SGCZ: variants seen among roughly 807,000 people sequenced by gnomAD.
SGCZ encodes sarcoglycan zeta.
A neutral mutation model predicts 41.3 loss-of-function variants in SGCZ; 40 were observed. That is an observed-to-expected ratio of 0.97 (90% CI 0.75 to 1.26). The LOEUF (loss-of-function observed/expected upper bound fraction) is 1.26, where lower values mean the gene tolerates loss of function less well. Ranked by LOEUF, SGCZ falls within the 50% of genes most tolerant of loss-of-function variation. The pLI is 0.00. For synonymous variants in SGCZ, 206 were observed against 137.5 expected (o/e 1.50, Z -3.49); for missense variants, 552 against 369.8 (o/e 1.49, Z -4.04).
At chr8:14,714,232 A>G (rs572382385) in intron 1 of SGCZ, among the ~76,000 whole-genome samples, 2 of 151,992 alleles carry the variant, frequency 1.3e-5, no homozygotes, top group Non-Finnish European at 2.9e-5. Context: ...CTCCCAAAGT[A>G]CTAAGATTAC....
chr8:14,402,315 G>A (rs1268671474), intron 2 of SGCZ, among the ~76,000 whole-genome samples: 1 of 151,450 alleles, frequency 6.6e-6, no homozygotes, highest in African/African-American at 2.4e-5. Flanking sequence ...TGTCAATTTT[G>A]TCTTTTGTTG....
intron 2 of SGCZ, among the ~76,000 whole-genome samples, chr8:14,494,587 A>G (rs917338439): frequency 2.0e-5 from 3 of 152,122 alleles, no homozygotes; most frequent in Middle Eastern, 3.2e-3. Context: ...TTAATCATTC[A>G]TGAGAAGTTG....
At chr8:14,460,900 C>G (rs1800883767) in intron 2 of SGCZ, among the ~76,000 whole-genome samples, 1 of 152,034 alleles carries the variant, frequency 6.6e-6, no homozygotes, top group Non-Finnish European at 1.5e-5. Context: ...CTGATACTTT[C>G]ATTTGGCCCA....
At chr8:14,230,568 G>A (rs541076004) in intron 4 of SGCZ, among the ~76,000 whole-genome samples, 42 of 151,938 alleles carry the variant, frequency 2.8e-4, no homozygotes, top group Non-Finnish European at 5.4e-4. Flanking sequence ...TGAAGTATAC[G>A]TCCTTCCTAA....
rs565353516 is a variant in SGCZ, at chr8:14,831,720, G to A, written c.40-276794C>T. Among the ~76,000 whole-genome samples the A allele has an allele frequency of 2.8e-4, 43 of 151,062 alleles. 1 individual carries two copies. The highest frequency in any genetic ancestry group is 7.9e-4 in the East Asian group (4 of 5,088). On this transcript the variant is annotated intron_variant, in intron 1 of 7. Coordinates refer to ENST00000382080, the MANE Select transcript of SGCZ (RefSeq NM_139167.4). ...CATTTTTTCTCATTTTCTAAAAAACGTCTTTGAAAGCTGGTGTTAGAAGGA... is the reference window on the plus strand; with the variant it reads ...CATTTTTTCTCATTTTCTAAAAAACATCTTTGAAAGCTGGTGTTAGAAGGA...
chr8:14,232,573 G>A (rs1806610009), intron 4 of SGCZ, among the ~76,000 whole-genome samples: 1 of 151,790 alleles, frequency 6.6e-6, no homozygotes, highest in African/African-American at 2.4e-5. Context: ...ATACAATTTG[G>A]TTATGCCACT....
intron 1 of SGCZ, among the ~76,000 whole-genome samples, chr8:14,952,485 C>A (rs1296026422): frequency 6.6e-6 from 1 of 152,150 alleles, no homozygotes; most frequent in Non-Finnish European, 1.5e-5. Context: ...CTAGGTCCAT[C>A]ACTAGGGAGG....
At chr8:14,519,343 A>G (rs535688487) in intron 2 of SGCZ, among the ~76,000 whole-genome samples, 6 of 152,240 alleles carry the variant, frequency 3.9e-5, no homozygotes, top group Non-Finnish European at 7.4e-5. Context: ...ATGCCATACC[A>G]GCAACTAAAA....
chr8:15,202,953 T>C (rs1445071213), intron 1 of SGCZ, among the ~76,000 whole-genome samples: 1 of 151,806 alleles, frequency 6.6e-6, no homozygotes, highest in East Asian at 2.0e-4. Flanking sequence ...TCTACAAAAA[T>C]CCAAAAATTT....
intron 1 of SGCZ, among the ~76,000 whole-genome samples, chr8:15,070,266 T>C (rs1805303001): frequency 6.6e-6 from 1 of 152,178 alleles, no homozygotes; most frequent in African/African-American, 2.4e-5. Flanking sequence ...AAACACTAAA[T>C]TCGGTTTCAT....
chr8:14,666,901 T>C (rs1033921278), intron 1 of SGCZ, among the ~76,000 whole-genome samples: 1 of 147,980 alleles, frequency 6.8e-6, no homozygotes. Context: ...TAAAATATTC[T>C]ATAAGAATAA....
chr8:14,248,978 A>G (rs1799196632), intron 3 of SGCZ, among the ~76,000 whole-genome samples: 1 of 152,184 alleles, frequency 6.6e-6, no homozygotes, highest in South Asian at 2.1e-4. Context: ...AAACTCAAAT[A>G]AGTACAACAC....
chr8:14,827,951 G>C (rs1802391175), intron 1 of SGCZ, among the ~76,000 whole-genome samples: 1 of 152,040 alleles, frequency 6.6e-6, no homozygotes, highest in Admixed American at 6.6e-5. Context: ...TATTATGAAA[G>C]AACTAGGCAA....
chr8:14,784,434 G>A (rs952249176), intron 1 of SGCZ, among the ~76,000 whole-genome samples: 1 of 151,598 alleles, frequency 6.6e-6, no homozygotes, highest in Non-Finnish European at 1.5e-5. Context: ...GCTATATCAG[G>A]GTTTTTGTCA....
chr8:15,110,671 C>T (rs1263796276), intron 1 of SGCZ, among the ~76,000 whole-genome samples: 1 of 152,126 alleles, frequency 6.6e-6, no homozygotes, highest in African/African-American at 2.4e-5. Flanking sequence ...CACCTTCATA[C>T]GAAAGTTTTT....
At chr8:15,127,914 T>C (rs1343642089) in intron 1 of SGCZ, among the ~76,000 whole-genome samples, 2 of 152,220 alleles carry the variant, frequency 1.3e-5, no homozygotes, top group Non-Finnish European at 2.9e-5. Context: ...TATATTCTAT[T>C]TCCTTCCTAA....
intron 1 of SGCZ, among the ~76,000 whole-genome samples, chr8:14,795,037 A>T (rs1187024923): frequency 1.3e-5 from 2 of 152,224 alleles, no homozygotes; most frequent in African/African-American, 4.8e-5. Flanking sequence ...AATGGAGGAT[A>T]TGGTTTACAA....
chr8:14,108,602 C>A lies in SGCZ; in HGVS notation c.548-367G>T, dbSNP rs559519649. Among the ~76,000 whole-genome samples, 8 of 152,104 alleles carry A rather than the reference C, an allele frequency of 5.3e-5. No individual in the cohort carries two copies. The East Asian group carries it at 1.4e-3, about 26-fold the overall frequency. ...GTGAGAACATTATGGGGGAAACCAC[C>A]TCCATGGTTCAAATTATCTCCCACC... On this transcript the variant is annotated intron_variant, in intron 5 of 7. Coordinates refer to ENST00000382080, the MANE Select transcript of SGCZ (RefSeq NM_139167.4).
chr8:14,263,799 G>C (rs1290878143), intron 3 of SGCZ, among the ~76,000 whole-genome samples: 2 of 152,154 alleles, frequency 1.3e-5, no homozygotes, highest in Non-Finnish European at 2.9e-5. Context: ...GAAGGACAGA[G>C]TCACACTGCC....
Sources: allele counts gnomAD v4.1 joint callset (sites outside exome capture counted in the v4.1 genomes callset), GRCh38; gene constraint gnomAD v4.1.1; transcripts MANE v1.5; gene names NCBI Gene and HGNC (gene_info 2026-07-23, HGNC 2026-07-21).